Variants in LRRN2 observed in about 807,000 individuals in gnomAD.
LRRN2 encodes the protein leucine rich repeat neuronal 2.
LRRN2 carries 10 observed loss-of-function variants against 35.7 expected under a neutral mutation model. The observed-to-expected ratio is 0.28, with a 90% CI of 0.17 to 0.47. The LOEUF is 0.47. LRRN2 is among the 20% of genes least tolerant of loss of function. The pLI is 0.99. For synonymous variants in LRRN2, 391 were observed against 409.6 expected (o/e 0.95, Z 0.55); for missense variants, 731 against 940.3 (o/e 0.78, Z 2.91).
At chr1:204,627,611 CAG>C (rs1448528805) in intron 1 of LRRN2, among the ~76,000 whole-genome samples, 5 of 152,214 alleles carry the variant, frequency 3.3e-5, no homozygotes, top group Non-Finnish European at 7.4e-5. Flanking sequence ...GTAGGTAGCA[CAG>C]AGTCATTGCT....
intron 1 of LRRN2, among the ~76,000 whole-genome samples, chr1:204,654,563 C>T (rs1668306493): frequency 6.6e-6 from 1 of 152,070 alleles, no homozygotes; most frequent in African/African-American, 2.4e-5. Flanking sequence ...TTTTTGCATC[C>T]CCTGATCAAA....
chr1:204,625,587 C>T (rs1344942079), intron 1 of LRRN2, among the ~76,000 whole-genome samples: 2 of 152,186 alleles, frequency 1.3e-5, no homozygotes, highest in Admixed American at 6.5e-5. Context: ...CCAGAAGGTT[C>T]CTACGTATGT....
At chr1:204,645,768 C>T (rs911342770) in intron 1 of LRRN2, among the ~76,000 whole-genome samples, 8 of 152,222 alleles carry the variant, frequency 5.3e-5, no homozygotes, top group East Asian at 3.9e-4. Flanking sequence ...CTTCACAGGG[C>T]GGCAGGACGG....
Position 204,685,401 on chromosome 1 carries a change from G to A in LRRN2, c.-308C>T, listed in dbSNP as rs1388142154. The A allele has an allele frequency of 1.3e-5, 2 of 151,650 alleles. No individual in the cohort carries two copies. The highest frequency in any genetic ancestry group is 3.9e-4 in the East Asian group (2 of 5,154). The allele number at this position is 151,650 out of a possible 1,614,324, so 9.4% of individuals were successfully genotyped here. ...GCCTTCCGCCCGGGGCCGGGCTGGG[G>A]ACGCTGGTCCGCGCCCTCCCGCCGC... On this transcript the variant is annotated 5_prime_UTR_variant, in exon 1 of 2. Transcript: ENST00000367177.
intron 1 of LRRN2, among the ~76,000 whole-genome samples, chr1:204,659,028 G>C (rs1668415501): frequency 6.6e-6 from 1 of 152,226 alleles, no homozygotes; most frequent in African/African-American, 2.4e-5. Flanking sequence ...ACATGAAATA[G>C]TATGTAATGC....
chr1:204,639,512 C>T (rs1156989439), intron 1 of LRRN2, among the ~76,000 whole-genome samples: 1 of 152,030 alleles, frequency 6.6e-6, no homozygotes, highest in African/African-American at 2.4e-5. Flanking sequence ...TGGTGGTGCA[C>T]ACTTGTAGTC....
At chr1:204,637,319 A>T (rs182433591) in intron 1 of LRRN2, among the ~76,000 whole-genome samples, 2 of 152,350 alleles carry the variant, frequency 1.3e-5, no homozygotes, top group East Asian at 3.9e-4. Flanking sequence ...ATCTAGCCCA[A>T]TGCTTTCTAG....
chr1:204,678,723 C>T (rs1668876635), intron 1 of LRRN2, among the ~76,000 whole-genome samples: 1 of 152,120 alleles, frequency 6.6e-6, no homozygotes, highest in Admixed American at 6.5e-5. Flanking sequence ...TGTGGTGCCA[C>T]CCCCTCATCT....
rs11306645 is a variant in LRRN2, at chr1:204,624,755, A to ACC, written c.-226-4539_-226-4538dup. Among the ~76,000 whole-genome samples the ACC allele has an allele frequency of 3.5e-4, 38 of 107,600 alleles. 2 individuals carry two copies. Among genetic ancestry groups the ACC allele is most frequent in the Admixed American group, 9.2e-4 (10 of 10,828 alleles). 70.6% of individuals were successfully genotyped at this position (107,600 alleles called of 152,430 possible). On this transcript the variant is annotated intron_variant, in intron 1 of 1. Coordinates refer to ENST00000367177, the MANE Select transcript of LRRN2 (RefSeq NM_201630.2). ...TCCTCTCCCTGGCGGTTCCCCCCCC[A>ACC]CCCCCCCCCCCGGGAGCTGAGGGTC...
rs145413765 is a variant in LRRN2, at chr1:204,640,558, C to T, written c.-226-20340G>A. ...GGCTGTGCAGCTCCTTCCGAGGAGACGGTGAGGCCTGGCTCCTCTCTCCCT... is the reference window on the plus strand; with the variant it reads ...GGCTGTGCAGCTCCTTCCGAGGAGATGGTGAGGCCTGGCTCCTCTCTCCCT... On this transcript the variant is annotated intron_variant, in intron 1 of 1. Transcript: ENST00000367177. Among the ~76,000 whole-genome samples the T allele has an allele frequency of 3.0e-3, 454 of 152,266 alleles. 5 individuals carry two copies. The highest frequency in any genetic ancestry group is 0.011 in the African/African-American group (441 of 41,542).
intron 1 of LRRN2, among the ~76,000 whole-genome samples, chr1:204,622,401 A>T (rs1241144078): frequency 1.3e-5 from 2 of 152,230 alleles, no homozygotes; most frequent in Non-Finnish European, 2.9e-5. Flanking sequence ...GAACACAGCA[A>T]GCCTATTTAC....
chr1:204,641,770 T>C (rs4951089), intron 1 of LRRN2, among the ~76,000 whole-genome samples: 82,545 of 152,182 alleles, frequency 0.54, 23,697 homozygotes, highest in East Asian at 0.68. Context: ...AGAGAGCCTA[T>C]GGGATGTTGC....
chr1:204,679,549 T>C (rs757264262), intron 1 of LRRN2, among the ~76,000 whole-genome samples: 4 of 152,218 alleles, frequency 2.6e-5, no homozygotes, highest in Non-Finnish European at 4.4e-5. Context: ...TGTTTTTCCC[T>C]GAAGAAGCTG....
At chr1:204,650,998 T>A (rs996252410) in intron 1 of LRRN2, among the ~76,000 whole-genome samples, 1 of 152,114 alleles carries the variant, frequency 6.6e-6, no homozygotes, top group African/African-American at 2.4e-5. Flanking sequence ...GTTATGAACT[T>A]TAAGATTAGA....
At chr1:204,644,860 G>A (rs549977946) in intron 1 of LRRN2, among the ~76,000 whole-genome samples, 2 of 152,340 alleles carry the variant, frequency 1.3e-5, no homozygotes, top group South Asian at 2.1e-4. Context: ...GAAGCTTCCT[G>A]TAAAGGTAGC....
intron 1 of LRRN2, among the ~76,000 whole-genome samples, chr1:204,646,345 C>T (rs1186610865): frequency 2.0e-5 from 3 of 152,006 alleles, no homozygotes; most frequent in Non-Finnish European, 2.9e-5. Flanking sequence ...TGTTATTTTT[C>T]GTTTAGTTTT....
chr1:204,666,994 GC>G (rs1668586862), intron 1 of LRRN2, among the ~76,000 whole-genome samples: 1 of 137,082 alleles, frequency 7.3e-6, no homozygotes, highest in African/African-American at 2.7e-5. Context: ...AAAGCCAACA[GC>G]AAAAAATTAC....
At chr1:204,654,643 G>A (rs929880538) in intron 1 of LRRN2, among the ~76,000 whole-genome samples, 2 of 152,202 alleles carry the variant, frequency 1.3e-5, no homozygotes, top group African/African-American at 4.8e-5. Flanking sequence ...CCCTGGACCA[G>A]AAGCTCTTTG....
intron 1 of LRRN2, among the ~76,000 whole-genome samples, chr1:204,640,167 T>C (rs1667947921): frequency 6.6e-6 from 1 of 152,162 alleles, no homozygotes; most frequent in Non-Finnish European, 1.5e-5. Context: ...AGCTGGCAGA[T>C]TTGGTGTCTG....
Sources: gnomAD v4.1 joint callset for allele counts (sites outside exome capture counted in the v4.1 genomes callset) on GRCh38, gnomAD v4.1.1 for gene constraint, MANE v1.5 for transcripts, NCBI Gene and HGNC (gene_info 2026-07-23, HGNC 2026-07-21) for gene names.